Variants in SLC2A13 observed in about 807,000 individuals in gnomAD.
The protein encoded by SLC2A13 is proton myo-inositol cotransporter.
Under a neutral mutation model 64.4 loss-of-function variants are expected in SLC2A13, and 32 were observed. That is an observed-to-expected ratio of 0.50 (90% CI 0.37 to 0.67). SLC2A13 has a LOEUF of 0.67. SLC2A13 is among the 30% of genes least tolerant of loss of function. SLC2A13 has a pLI of 0.00. For missense variants in SLC2A13, 743 were observed against 829.2 expected, an observed-to-expected ratio of 0.90 and a Z score of 1.28; for synonymous variants, 338 against 327.1, an observed-to-expected ratio of 1.03 and a Z score of -0.36.
chr12:39,773,010 C>T (rs1175156416), intron 7 of SLC2A13, among the ~76,000 whole-genome samples: 1 of 152,080 alleles, frequency 6.6e-6, no homozygotes, highest in Non-Finnish European at 1.5e-5. Flanking sequence ...CTAGAAATAC[C>T]AACTAAAAAA....
intron 1 of SLC2A13, among the ~76,000 whole-genome samples, chr12:40,075,167 C>T (rs1374768090): frequency 6.6e-6 from 1 of 152,126 alleles, no homozygotes; most frequent in African/African-American, 2.4e-5. Context: ...ACTGTGAAAA[C>T]CTGGTAGAGC....
intron 3 of SLC2A13, among the ~76,000 whole-genome samples, chr12:40,007,040 C>A (rs1592000293): frequency 6.6e-6 from 1 of 152,134 alleles, no homozygotes; most frequent in Admixed American, 6.5e-5. Context: ...TTTTAATTAG[C>A]TAACAGTCAT....
In SLC2A13 at chr12:39,973,202, C is replaced by A. The variant is rs1252390716; in HGVS notation, c.926-21837G>T. ...TTGTTCTTGTCAAGCTCTCCAACTA[C>A]CTCTACTAAGCAGATTCAATGATCA... On this transcript the variant is annotated intron_variant, in intron 3 of 9. Coordinates refer to ENST00000280871, the MANE Select transcript of SLC2A13 (RefSeq NM_052885.4). Among the ~76,000 whole-genome samples, 4 of 152,334 alleles carry A rather than the reference C, an allele frequency of 2.6e-5. No individual in the cohort carries two copies. The East Asian group carries it at 7.7e-4, about 29-fold the overall frequency.
intron 7 of SLC2A13, among the ~76,000 whole-genome samples, chr12:39,784,191 C>A (rs946097727): frequency 1.3e-5 from 2 of 152,124 alleles, no homozygotes; most frequent in Non-Finnish European, 2.9e-5. Flanking sequence ...ATCAAGCTAC[C>A]AATGACTTTC....
intron 1 of SLC2A13, among the ~76,000 whole-genome samples, chr12:40,061,018 T>C (rs577625537): frequency 2.6e-5 from 4 of 152,244 alleles, no homozygotes; most frequent in African/African-American, 9.6e-5. Flanking sequence ...AAAGATATTA[T>C]GTAACTTCAG....
intron 3 of SLC2A13, among the ~76,000 whole-genome samples, chr12:39,952,287 C>G (rs918903785): frequency 6.6e-6 from 1 of 152,106 alleles, no homozygotes; most frequent in Non-Finnish European, 1.5e-5. Context: ...GAGCTAGAGT[C>G]AACTCCCAGG....
At chr12:39,887,482 T>C (rs1178089957) in intron 4 of SLC2A13, among the ~76,000 whole-genome samples, 1 of 152,126 alleles carries the variant, frequency 6.6e-6, no homozygotes, top group African/African-American at 2.4e-5. Flanking sequence ...AAAAGGGACT[T>C]TTCACAACAG....
intron 5 of SLC2A13, among the ~76,000 whole-genome samples, chr12:39,867,173 C>T (rs910339660): frequency 6.6e-6 from 1 of 152,154 alleles, no homozygotes; most frequent in African/African-American, 2.4e-5. Flanking sequence ...ATCTGAGTCC[C>T]TATTTTCCCA....
intron 3 of SLC2A13, among the ~76,000 whole-genome samples, chr12:39,980,285 T>C (rs370723641): frequency 1.3e-5 from 2 of 149,932 alleles, no homozygotes; most frequent in African/African-American, 2.5e-5. Flanking sequence ...AAATCACCAG[T>C]TAACATCATA....
At chr12:39,840,510 G>A (rs758908438) in intron 6 of SLC2A13, among the ~76,000 whole-genome samples, 11 of 151,962 alleles carry the variant, frequency 7.2e-5, no homozygotes, top group African/African-American at 1.7e-4. Context: ...CATAGGTGCC[G>A]TGGGTGCTAG....
Position 39,978,448 on chromosome 12 carries a change from G to A in SLC2A13, c.926-27083C>T, listed in dbSNP as rs557081349. On this transcript the variant is annotated intron_variant, in intron 3 of 9. Coordinates refer to ENST00000280871, the MANE Select transcript of SLC2A13 (RefSeq NM_052885.4). ...CACTGGGGAGTGCCAGACAGTGGGCGCAGGCCAGTGGGTGCGCGCACCGTG... is the reference window on the plus strand; with the variant it reads ...CACTGGGGAGTGCCAGACAGTGGGCACAGGCCAGTGGGTGCGCGCACCGTG... Among the ~76,000 whole-genome samples the A allele has an allele frequency of 7.4e-4, 113 of 152,334 alleles. 1 individual carries two copies. Among genetic ancestry groups the A allele is most frequent in the Non-Finnish European group, 1.3e-3 (91 of 68,028 alleles).
chr12:40,024,117 T>C (rs993410755), intron 3 of SLC2A13, among the ~76,000 whole-genome samples: 1 of 152,234 alleles, frequency 6.6e-6, no homozygotes, highest in Admixed American at 6.5e-5. Flanking sequence ...TCTGTATCTG[T>C]TGATAATACA....
intron 4 of SLC2A13, among the ~76,000 whole-genome samples, chr12:39,933,343 AGGAAGACCAGTT>A (rs1945863292): frequency 6.6e-6 from 1 of 152,224 alleles, no homozygotes; most frequent in South Asian, 2.1e-4. Context: ...GCATGGATGC[AGGAAGACCAGTT>A]GGAAGGCCAG....
intron 1 of SLC2A13, among the ~76,000 whole-genome samples, chr12:40,099,096 C>T (rs1420541663): frequency 6.6e-6 from 1 of 152,216 alleles, no homozygotes; most frequent in Non-Finnish European, 1.5e-5. Flanking sequence ...AACTAGAAAG[C>T]ATGTAGTACT....
At chr12:39,813,952 G>A (rs773859153) in intron 7 of SLC2A13, among the ~76,000 whole-genome samples, 2 of 152,150 alleles carry the variant, frequency 1.3e-5, no homozygotes, top group African/African-American at 4.8e-5. Context: ...TCCACATTTC[G>A]AAAGTTTCAA....
rs908001616 is a variant in SLC2A13, at chr12:39,826,864, T to TTTTTTTTTTTTTTC, written c.1445+3238_1445+3239insGAAAAAAAAAAAAA. 9.6e-3 allele frequency among the ~76,000 whole-genome samples: 1,374 copies of TTTTTTTTTTTTTTC among 143,526 alleles called. 31 individuals carry two copies. Among genetic ancestry groups the TTTTTTTTTTTTTTC allele is most frequent in the Non-Finnish European group, 0.015 (1,010 of 65,774 alleles). The allele number at this position is 143,526 out of a possible 152,430, so 94.2% of individuals were successfully genotyped here. ...TTAAAGTCTCTTTCAATTTTTTTTT[T>TTTTTTTTTTTTTTC]TTTTTTTTGCAATGCAAGGTTCTTT... On this transcript the variant is annotated intron_variant, in intron 7 of 9. Transcript: ENST00000280871.
At chr12:39,893,601 T>A (rs1944668892) in intron 4 of SLC2A13, among the ~76,000 whole-genome samples, 1 of 152,198 alleles carries the variant, frequency 6.6e-6, no homozygotes, top group African/African-American at 2.4e-5. Flanking sequence ...ACGCCAGGCC[T>A]ACCGCTCTTT....
At chr12:40,088,050 C>A (rs1440250780) in intron 1 of SLC2A13, among the ~76,000 whole-genome samples, 1 of 152,120 alleles carries the variant, frequency 6.6e-6, no homozygotes, top group Non-Finnish European at 1.5e-5. Context: ...AGGCACTGTT[C>A]CAAGAGTTTC....
chr12:39,986,356 GT>G (rs1161857370), intron 3 of SLC2A13, among the ~76,000 whole-genome samples: 2 of 151,934 alleles, frequency 1.3e-5, no homozygotes, highest in Non-Finnish European at 2.9e-5. Context: ...TTTACTACAC[GT>G]TCACCCACCT....
Sources: allele counts gnomAD v4.1 joint callset (sites outside exome capture counted in the v4.1 genomes callset), GRCh38; gene constraint gnomAD v4.1.1; transcripts MANE v1.5; gene names NCBI Gene and HGNC (gene_info 2026-07-23, HGNC 2026-07-21).